Variants in PRTG observed in about 807,000 individuals in gnomAD.
PRTG encodes immunoglobulin superfamily, DCC subclass, member 5.
In PRTG, 67 loss-of-function variants were observed where a neutral mutation model predicts 122.5. That is an observed-to-expected ratio of 0.55 (90% confidence interval 0.45 to 0.67). The LOEUF (loss-of-function observed/expected upper bound fraction) is 0.67. PRTG is among the 30% of genes least tolerant of loss of function. The probability of loss-of-function intolerance (pLI) is 0.00; values close to 1 mark genes in which losing one functional copy is unlikely to be tolerated. For synonymous variants in PRTG, 554 were observed against 501.1 expected (o/e 1.11, Z -1.41); for missense variants, 1,435 against 1,415.4 (o/e 1.01, Z -0.22).
At chr15:55,647,482 C>T (rs1016853668) in intron 11 of PRTG, among the ~76,000 whole-genome samples, 3 of 152,180 alleles carry the variant, frequency 2.0e-5, no homozygotes, top group Admixed American at 2.0e-4. Flanking sequence ...GTATTATTTA[C>T]CCCTAACAGT....
At chr15:55,690,526 T>C (rs1281703341) in intron 2 of PRTG, among the ~76,000 whole-genome samples, 1 of 152,070 alleles carries the variant, frequency 6.6e-6, no homozygotes, top group Non-Finnish European at 1.5e-5. Flanking sequence ...AATTCAAAAA[T>C]CCAAAATGCT....
intron 11 of PRTG, among the ~76,000 whole-genome samples, chr15:55,642,423 C>T (rs1189703728): frequency 6.6e-6 from 1 of 151,602 alleles, no homozygotes; most frequent in African/African-American, 2.4e-5. Flanking sequence ...TCGAGATGAG[C>T]CCTGCCAACA....
chr15:55,684,285 A>T (rs2059558049), intron 2 of PRTG, among the ~76,000 whole-genome samples: 1 of 152,220 alleles, frequency 6.6e-6, no homozygotes, highest in South Asian at 2.1e-4. Context: ...GGAGAGGGAA[A>T]CAAATAAATT....
At chr15:55,630,005 G>C (rs1288141624) in intron 15 of PRTG, among the ~76,000 whole-genome samples, 1 of 64,032 alleles carries the variant, frequency 1.6e-5, no homozygotes, top group Non-Finnish European at 3.2e-5. Flanking sequence ...TTTTTTTTTT[G>C]AGACGGAGTC....
In PRTG at chr15:55,619,855, G is replaced by A. The variant is rs2059156461; in HGVS notation, c.*157C>T. 4.0e-6 allele frequency: 5 copies of A among 1,246,734 alleles called. No homozygotes were observed. The allele number at this position is 1,246,734 out of a possible 1,614,324, so 77.2% of individuals were successfully genotyped here. On this transcript the variant is annotated 3_prime_UTR_variant, in exon 20 of 20. Coordinates refer to ENST00000389286, the MANE Select transcript of PRTG (RefSeq NM_173814.6). The stretch of plus-strand genomic sequence containing the variant: ...TTTAATGGTGAGAATACCTGAGCAT[G>A]GCCGTCTAGATTGGAAAATCATTTT...
chr15:55,720,823 T>A (rs1220980716), intron 2 of PRTG, among the ~76,000 whole-genome samples: 2 of 152,218 alleles, frequency 1.3e-5, no homozygotes, highest in African/African-American at 4.8e-5. Flanking sequence ...AATCTCATAA[T>A]GTTTTAAGAA....
chr15:55,687,989 C>T (rs2059579622), intron 2 of PRTG, among the ~76,000 whole-genome samples: 1 of 152,184 alleles, frequency 6.6e-6, no homozygotes, highest in Admixed American at 6.5e-5. Flanking sequence ...CTCTCCACTG[C>T]ATATTCAAAC....
Position 55,740,503 on chromosome 15 carries a change from A to C in PRTG, c.276T>G (p.Ser92=). Residue 92 remains serine, a synonymous_variant, in exon 2 of 20, where the codon TCT becomes TCG. Transcript: ENST00000389286. ...TGCCTTCCACCTCACTGATGTATAA[A>C]GAGCCGTTAGAAAGAACCTCGATCC... ...NKRIEVLSNG[S]LYISEVEGRR... is the part of the protein sequence containing the mutation. 5.6e-6 allele frequency: 9 copies of C among 1,614,226 alleles called. No individual in the cohort carries two copies. Among genetic ancestry groups the C allele is most frequent in the Non-Finnish European group, 7.6e-6 (9 of 1,180,028 alleles).
rs35771809 is a variant in PRTG at position 55,627,326 on chromosome 15, G to GTTT, written c.2807-201_2807-199dup. ...GACAGATTTCTCTTCCAATATTAAA[G>GTTT]TTTTTTTTTTTTTTTTTGAGACGGA... On this transcript the variant is annotated intron_variant, in intron 16 of 19. Transcript: ENST00000389286. Among the ~76,000 whole-genome samples the GTTT allele has an allele frequency of 1.6e-3, 206 of 131,490 alleles. 7 individuals are homozygous for GTTT. The highest frequency in any genetic ancestry group is 9.9e-3 in the South Asian group (39 of 3,930). 86.3% of individuals were successfully genotyped at this position (131,490 alleles called of 152,430 possible). A position where few individuals can be genotyped will look rare whatever the true frequency, so the allele number is the denominator to read the frequency against.
chr15:55,657,964 T>C (rs2059389441), intron 11 of PRTG, among the ~76,000 whole-genome samples: 1 of 152,226 alleles, frequency 6.6e-6, no homozygotes, highest in Non-Finnish European at 1.5e-5. Flanking sequence ...ATAAACACTG[T>C]GAACATTAGG....
chr15:55,720,111 G>A (rs1243000886), intron 2 of PRTG, among the ~76,000 whole-genome samples: 1 of 150,534 alleles, frequency 6.6e-6, no homozygotes. Flanking sequence ...AGGCATGGTG[G>A]CTCACACCTG....
chr15:55,726,029 C>T (rs775242438), intron 2 of PRTG, among the ~76,000 whole-genome samples: 8 of 151,936 alleles, frequency 5.3e-5, no homozygotes, highest in African/African-American at 1.5e-4. Flanking sequence ...CTGCAACTTC[C>T]GCCTCCCAGG....
intron 2 of PRTG, among the ~76,000 whole-genome samples, chr15:55,706,582 C>CAA (rs59227432): frequency 5.0e-5 from 5 of 99,252 alleles, no homozygotes; most frequent in South Asian, 6.2e-4. Context: ...TTGTCTCTAC[C>CAA]AAAAAAAAAA....
At chr15:55,660,211 A>G (rs939604785) in intron 11 of PRTG, among the ~76,000 whole-genome samples, 2 of 152,206 alleles carry the variant, frequency 1.3e-5, no homozygotes, top group African/African-American at 4.8e-5. Context: ...CATAGTTAGT[A>G]CAAGGCTTAA....
intron 11 of PRTG, chr15:55,655,061 T>C (rs1466269271): frequency 6.6e-6 from 1 of 152,170 alleles, no homozygotes; most frequent in Non-Finnish European, 1.5e-5. Context: ...AGCTGGTAAA[T>C]ATCAGCTTCA....
chr15:55,629,033 G>A (rs755772277), intron 15 of PRTG, 29 bp from the exon 16 acceptor site: 1 of 1,479,100 alleles, frequency 6.8e-7, no homozygotes, highest in Non-Finnish European at 9.3e-7. Context: ...CAAATTAAGT[G>A]AACATTTATC....
At chr15:55,741,256 T>C (rs1188780119) in intron 1 of PRTG, among the ~76,000 whole-genome samples, 1 of 152,224 alleles carries the variant, frequency 6.6e-6, no homozygotes, top group Non-Finnish European at 1.5e-5. Flanking sequence ...AAGAAATCCA[T>C]TTACTTAATT....
At chr15:55,730,722 C>G (rs1437978313) in intron 2 of PRTG, among the ~76,000 whole-genome samples, 1 of 152,086 alleles carries the variant, frequency 6.6e-6, no homozygotes, top group African/African-American at 2.4e-5. Flanking sequence ...ATGGCATGCA[C>G]CCGGGAGGCG....
intron 2 of PRTG, among the ~76,000 whole-genome samples, chr15:55,697,929 C>T (rs972045967): frequency 6.6e-6 from 1 of 152,140 alleles, no homozygotes; most frequent in Non-Finnish European, 1.5e-5. Context: ...TAAATTTTAG[C>T]TATTTCTATT....
Sources: gnomAD v4.1 joint callset for allele counts (sites outside exome capture counted in the v4.1 genomes callset) on GRCh38, gnomAD v4.1.1 for gene constraint, MANE v1.5 for transcripts, NCBI Gene and HGNC (gene_info 2026-07-23, HGNC 2026-07-21) for gene names.